Variants in MTA3 observed in about 807,000 individuals in gnomAD.
MTA3 encodes metastasis associated 1 family member 3, also known as metastasis-associated protein MTA3.
Under a neutral mutation model 83.5 loss-of-function variants are expected in MTA3, and 34 were observed. The ratio of observed to expected loss-of-function variants is 0.41; its 90% CI spans 0.31 to 0.54. The LOEUF (loss-of-function observed/expected upper bound fraction) is 0.54, where lower values mean the gene tolerates loss of function less well. Among genes scored for constraint, MTA3 ranks in the 20% least tolerant of loss-of-function variants. The pLI is 0.33. For missense variants in MTA3, 761 were observed against 726.4 expected, an observed-to-expected ratio of 1.05 and a Z score of -0.55; for synonymous variants, 303 against 252.7, an observed-to-expected ratio of 1.20 and a Z score of -1.89.
In MTA3 at chr2:42,704,193, G is replaced by A; in HGVS notation, c.1026-1G>A. 1.2e-6 allele frequency: 2 copies of A among 1,613,464 alleles called. No individual in the cohort carries two copies. Among genetic ancestry groups the A allele is most frequent in the Non-Finnish European group, 1.7e-6 (2 of 1,179,640 alleles). On this transcript the variant is annotated splice_acceptor_variant, in intron 11 of 16. Transcript: ENST00000405094. LOFTEE classifies it high-confidence loss of function. ...TCACCTTATTTTAATTTCATTGAAA[G>A]CAGCAAACCAAATCCCAACCAAATA...
At chr2:42,613,006 A>G (rs1684412231) in intron 4 of MTA3, among the ~76,000 whole-genome samples, 1 of 152,220 alleles carries the variant, frequency 6.6e-6, no homozygotes, top group Non-Finnish European at 1.5e-5. Flanking sequence ...TGATAGCTTG[A>G]AATCTGTTTA....
chr2:42,582,450 A>G (rs567267265), intron 3 of MTA3, among the ~76,000 whole-genome samples: 1 of 152,296 alleles, frequency 6.6e-6, no homozygotes, highest in East Asian at 1.9e-4. Context: ...AAATTTATAG[A>G]TTTTTGCTAT....
At chr2:42,659,001 G>A (rs962336771) in intron 7 of MTA3, among the ~76,000 whole-genome samples, 1 of 151,898 alleles carries the variant, frequency 6.6e-6, no homozygotes, top group African/African-American at 2.4e-5. Context: ...GGGAAGCTGA[G>A]GTGGGAAGAT....
intron 3 of MTA3, 147 bp from the exon 4 acceptor site, chr2:42,609,311 C>T (rs1683895607): frequency 2.4e-6 from 2 of 836,814 alleles, no homozygotes; most frequent in African/African-American, 3.5e-5. Flanking sequence ...GGATTACAAG[C>T]ATGAGCCACT....
intron 9 of MTA3, among the ~76,000 whole-genome samples, chr2:42,687,653 C>T (rs182311211): frequency 6.0e-4 from 92 of 152,310 alleles, no homozygotes; most frequent in African/African-American, 2.2e-3. Flanking sequence ...TATAACATAT[C>T]AGTGTAGCCA....
chr2:42,691,385 TC>T (rs1281852892), intron 9 of MTA3, among the ~76,000 whole-genome samples: 3 of 151,802 alleles, frequency 2.0e-5, no homozygotes, highest in Non-Finnish European at 2.9e-5. Flanking sequence ...CACACACACA[TC>T]CCCCCCTAAA....
chr2:42,616,819 A>G (rs1289903297), intron 4 of MTA3, among the ~76,000 whole-genome samples: 1 of 151,978 alleles, frequency 6.6e-6, no homozygotes, highest in Non-Finnish European at 1.5e-5. Flanking sequence ...TGCTGGTCTC[A>G]AGCGATCCTC....
rs973218165 is a variant in MTA3 at position 42,673,094 on chromosome 2, C to G, written c.703-9307C>G. Among the ~76,000 whole-genome samples the G allele has an allele frequency of 2.6e-5, 4 of 151,668 alleles. No individual in the cohort carries two copies. In the South Asian group the frequency reaches 8.3e-4, roughly 32 times the overall value. ...ACTCCTGACCTCAAGTGATCCACCC[C>G]CGCCCCCCTCTGACCTCCCAAAGTG... On this transcript the variant is annotated intron_variant, in intron 8 of 16. Transcript: ENST00000405094.
At chr2:42,656,700 T>G (rs1190824187) in intron 7 of MTA3, among the ~76,000 whole-genome samples, 1 of 152,238 alleles carries the variant, frequency 6.6e-6, no homozygotes, top group African/African-American at 2.4e-5. Context: ...GGGTAAGGCC[T>G]GTTGCTAAGC....
At chr2:42,681,637 C>G (rs1691923988) in intron 8 of MTA3, among the ~76,000 whole-genome samples, 1 of 152,152 alleles carries the variant, frequency 6.6e-6, no homozygotes, top group Non-Finnish European at 1.5e-5. Context: ...CCCAGCCTCC[C>G]AAGTAGTTGG....
chr2:42,509,485 G>A (rs1674797884), intron 2 of MTA3, among the ~76,000 whole-genome samples: 1 of 152,108 alleles, frequency 6.6e-6, no homozygotes, highest in African/African-American at 2.4e-5. Context: ...ATACCTATTT[G>A]TTGGCCGGGT....
At chr2:42,639,497 C>T (rs866049958) in intron 4 of MTA3, among the ~76,000 whole-genome samples, 28 of 152,124 alleles carry the variant, frequency 1.8e-4, no homozygotes, top group African/African-American at 6.3e-4. Flanking sequence ...CAGTTTTTCT[C>T]AGAGTCTAGA....
chr2:42,577,105 AATAT>A (rs1162559713), intron 2 of MTA3, among the ~76,000 whole-genome samples: 8 of 86,916 alleles, frequency 9.2e-5, no homozygotes, highest in African/African-American at 2.7e-4. Flanking sequence ...AAAAAAAAAA[AATAT>A]ATATATATAT....
Position 42,650,034 on chromosome 2 carries a change from A to C in MTA3, c.499+5790A>C, listed in dbSNP as rs367568353. ...GAGAGTTTTATCCTATTTTTTCATA[A>C]ACTCTATTACCTTCAATTGGTAGTT... On this transcript the variant is annotated intron_variant, in intron 6 of 16. Transcript: ENST00000405094. Among the ~76,000 whole-genome samples the C allele has an allele frequency of 2.6e-5, 4 of 152,240 alleles. No individual in the cohort carries two copies. The East Asian group carries it at 7.7e-4, about 29-fold the overall frequency.
At chr2:42,628,701 A>T (rs1301496961) in intron 4 of MTA3, among the ~76,000 whole-genome samples, 4 of 151,828 alleles carry the variant, frequency 2.6e-5, no homozygotes, top group Non-Finnish European at 5.9e-5. Flanking sequence ...AATACCATAC[A>T]ATTCTGGGAT....
chr2:42,647,029 G>A (rs1052772573), intron 6 of MTA3, among the ~76,000 whole-genome samples: 3 of 150,840 alleles, frequency 2.0e-5, no homozygotes, highest in Admixed American at 6.6e-5. Context: ...GGTGGCGGGC[G>A]CCTATAGTCC....
intron 4 of MTA3, among the ~76,000 whole-genome samples, chr2:42,623,130 A>T (rs534991804): frequency 3.9e-5 from 6 of 152,294 alleles, no homozygotes; most frequent in Non-Finnish European, 7.4e-5. Context: ...GCAATAACTC[A>T]AGCATACCTT....
At chr2:42,514,263 C>T (rs1305849719) in intron 2 of MTA3, among the ~76,000 whole-genome samples, 1 of 152,130 alleles carries the variant, frequency 6.6e-6, no homozygotes, top group African/African-American at 2.4e-5. Flanking sequence ...GAAAACTGGT[C>T]AAATAAGAGT....
intron 3 of MTA3, among the ~76,000 whole-genome samples, chr2:42,609,023 A>G (rs956846974): frequency 2.1e-5 from 3 of 142,056 alleles, no homozygotes; most frequent in Admixed American, 1.5e-4. Context: ...CTGACAAGAT[A>G]AATGTTTAAT....
Sources: gnomAD v4.1 joint callset for allele counts (sites outside exome capture counted in the v4.1 genomes callset) on GRCh38, gnomAD v4.1.1 for gene constraint, MANE v1.5 for transcripts, NCBI Gene and HGNC (gene_info 2026-07-23, HGNC 2026-07-21) for gene names.